Variants in PCDHA1 observed in about 807,000 individuals in gnomAD.
PCDHA1 encodes protocadherin alpha-1.
Under a neutral mutation model 61.3 loss-of-function variants are expected in PCDHA1, and 42 were observed. The ratio of observed to expected loss-of-function variants is 0.69; its 90% CI spans 0.54 to 0.89. The LOEUF (loss-of-function observed/expected upper bound fraction) is 0.89, where lower values mean the gene tolerates loss of function less well. Among genes scored for constraint, PCDHA1 ranks in the 40% least tolerant of loss-of-function variants. The pLI is 0.00. For synonymous variants in PCDHA1, 610 were observed against 553.8 expected (o/e 1.10, Z -1.43); for missense variants, 1,256 against 1,235.3 (o/e 1.02, Z -0.25).
intron 1 of PCDHA1, chr5:140,861,278 C>T (rs572060208): frequency 5.3e-4 from 99 of 185,718 alleles, no homozygotes; most frequent in African/African-American, 2.3e-3. Flanking sequence ...GCACTGGCTT[C>T]TGCTCCTTGA....
At chr5:140,964,013 A>G (rs155811) in intron 1 of PCDHA1, among the ~76,000 whole-genome samples, 53,810 of 151,994 alleles carry the variant, frequency 0.35, 9,678 homozygotes, top group East Asian at 0.53. Context: ...TTTTTAATAG[A>G]GAGCTCTTGA....
chr5:140,910,191 CTT>C (rs1384563815), intron 1 of PCDHA1, among the ~76,000 whole-genome samples: 2 of 152,152 alleles, frequency 1.3e-5, no homozygotes, highest in Non-Finnish European at 2.9e-5. Context: ...TCAAATTAGT[CTT>C]TTGTCCACTT....
rs1489888830 is a variant in PCDHA1, at chr5:140,987,480, A to G, written c.2542+4917A>G. ...TGTTAAGAGCTCAAGCTTGGGAGTC[A>G]GTGACCCTTTCTGAATTCTACCTCT... is the stretch of plus-strand genomic sequence containing the variant. On this transcript the variant is annotated intron_variant, in intron 3 of 3. Coordinates refer to ENST00000504120, the MANE Select transcript of PCDHA1 (RefSeq NM_018900.4). Among the ~76,000 whole-genome samples, 6 of 152,310 alleles carry G rather than the reference A, an allele frequency of 3.9e-5. No homozygotes were observed. The South Asian group carries it at 1.2e-3, about 32-fold the overall frequency.
At chr5:140,862,688 A>G in intron 1 of PCDHA1, 1 of 553,472 alleles carries the variant, frequency 1.8e-6, no homozygotes, top group Non-Finnish European at 3.6e-6. Flanking sequence ...CTGGTGTCCT[A>G]CTCGTTGATG....
Position 140,858,130 on chromosome 5 carries a change from C to G in PCDHA1, c.2394+69446C>G, listed in dbSNP as rs1210306605. ...CGCCCGAGGTGGCCCTGGTGGATGT[C>G]AACGTGTACCTGATCATCGCCATCT... On this transcript the variant is annotated intron_variant, in intron 1 of 3. Transcript: ENST00000504120. 27 of 1,597,776 alleles carry G rather than the reference C, an allele frequency of 1.7e-5. 5 individuals carry two copies. The highest frequency in any genetic ancestry group is 2.3e-5 in the Non-Finnish European group (27 of 1,167,556).
At position 140,982,439 on chromosome 5, in the gene PCDHA1, G is replaced by A. The variant is rs553328430; in HGVS notation, c.2454-36G>A. The A allele has an allele frequency of 6.8e-5, 109 of 1,613,560 alleles. 3 individuals carry two copies. In the South Asian group the frequency reaches 1.0e-3, roughly 15 times the overall value. On this transcript the variant is annotated intron_variant, in intron 2 of 3. Transcript: ENST00000504120. ...GAAGAAGAGATGGGAAAGAATTTAT[G>A]ATCTAACCGTTATCTGGGTCTGTGT... is the stretch of plus-strand genomic sequence containing the variant.
At chr5:140,985,739 CTTT>C (rs11372071) in intron 3 of PCDHA1, among the ~76,000 whole-genome samples, 5 of 117,900 alleles carry the variant, frequency 4.2e-5, no homozygotes, top group Non-Finnish European at 1.7e-5. Context: ...TGATGAATTC[CTTT>C]TTTTTTTTTT....
intron 1 of PCDHA1, among the ~76,000 whole-genome samples, chr5:140,936,396 A>G (rs983509296): frequency 1.4e-4 from 22 of 152,112 alleles, no homozygotes; most frequent in African/African-American, 5.3e-4. Flanking sequence ...AAACTGGGCT[A>G]CTCAATTTTT....
At chr5:140,870,925 T>A (rs1554164841) in intron 1 of PCDHA1, 1 of 1,613,916 alleles carries the variant, frequency 6.2e-7, no homozygotes, top group South Asian at 1.1e-5. Flanking sequence ...GTGGCTTTCA[T>A]ATGAATTGCA....
chr5:140,803,342 G>A (rs782025837), intron 1 of PCDHA1: 12 of 1,614,092 alleles, frequency 7.4e-6, no homozygotes. Flanking sequence ...TGCTCACACT[G>A]CTGCTATATA....
intron 1 of PCDHA1, chr5:140,836,852 AT>A: frequency 2.5e-6 from 2 of 810,938 alleles, no homozygotes; most frequent in Non-Finnish European, 3.8e-6. Flanking sequence ...TATAATTATT[AT>A]TTTTTAATGT....
At chr5:140,976,470 G>A (rs1388811059) in intron 1 of PCDHA1, among the ~76,000 whole-genome samples, 3 of 152,116 alleles carry the variant, frequency 2.0e-5, no homozygotes, top group Non-Finnish European at 4.4e-5. Context: ...AGAATTGCTT[G>A]AATCCGGGAG....
intron 1 of PCDHA1, chr5:140,869,778 C>G (rs782226363): frequency 6.2e-7 from 1 of 1,612,924 alleles, no homozygotes. Flanking sequence ...TTACTGGCAC[C>G]GTTCGGCTGT....
chr5:140,877,964 T>C lies in PCDHA1; in HGVS notation c.2394+89280T>C, dbSNP rs1582419472. On this transcript the variant is annotated intron_variant, in intron 1 of 3. Coordinates refer to ENST00000504120, the MANE Select transcript of PCDHA1 (RefSeq NM_018900.4). ...AAACTATCGAATGTCTCATCTTTCTTGGTCATTCTTACTCATTTTGAACTT... is the reference window on the plus strand; with the variant it reads ...AAACTATCGAATGTCTCATCTTTCTCGGTCATTCTTACTCATTTTGAACTT... 3 of 1,310,338 alleles carry C rather than the reference T, an allele frequency of 2.3e-6. No individual in the cohort carries two copies. The East Asian group carries it at 7.9e-5, about 34-fold the overall frequency. 81.2% of individuals were successfully genotyped at this position (1,310,338 alleles called of 1,614,324 possible). A position where few individuals can be genotyped will look rare whatever the true frequency, so the allele number is the denominator to read the frequency against.
intron 1 of PCDHA1, chr5:140,807,039 A>C: frequency 1.0e-6 from 1 of 962,924 alleles, no homozygotes; most frequent in Non-Finnish European, 1.6e-6. Flanking sequence ...AAGAAGGGAA[A>C]ATTCCTTCTA....
chr5:140,943,131 G>T (rs1360196674), intron 1 of PCDHA1, among the ~76,000 whole-genome samples: 1 of 151,626 alleles, frequency 6.6e-6, no homozygotes, highest in Non-Finnish European at 1.5e-5. Flanking sequence ...GGTAGTGGGT[G>T]CCTGTAGTCC....
intron 1 of PCDHA1, chr5:140,809,220 C>T: frequency 6.2e-7 from 1 of 1,614,068 alleles, no homozygotes; most frequent in Non-Finnish European, 8.5e-7. Flanking sequence ...GCGCCAAAGG[C>T]CTCCTCACGG....
chr5:141,009,011 T>C (rs1461112133), intron 3 of PCDHA1, among the ~76,000 whole-genome samples: 1 of 152,256 alleles, frequency 6.6e-6, no homozygotes, highest in East Asian at 1.9e-4. Context: ...ATATTTTGCC[T>C]TTAGGCTCTG....
rs1581597949 is a variant in PCDHA1, at chr5:140,787,982, GCTGCT to G, written c.1693_1697del (p.Leu565GlyfsTer13). ...TGGACGAGAACGACAACGCGCCGGC[GCTGCT>G]GGCGCCTCGAGTGGGTGGCACTATT... On this transcript the variant is annotated frameshift_variant, in exon 1 of 4. Coordinates refer to ENST00000504120, the MANE Select transcript of PCDHA1 (RefSeq NM_018900.4). LOFTEE classifies it high-confidence loss of function. 2 of 1,614,006 alleles carry G rather than the reference GCTGCT, an allele frequency of 1.2e-6. No individual in the cohort carries two copies. Among genetic ancestry groups the G allele is most frequent in the East Asian group, 4.5e-5 (2 of 44,884 alleles).
Sources: gnomAD v4.1 joint callset for allele counts (sites outside exome capture counted in the v4.1 genomes callset) on GRCh38, gnomAD v4.1.1 for gene constraint, MANE v1.5 for transcripts, NCBI Gene and HGNC (gene_info 2026-07-23, HGNC 2026-07-21) for gene names.